Variants in EPB41 observed in about 807,000 individuals in gnomAD.
EPB41 encodes the protein protein 4.1.
A neutral mutation model predicts 108.0 loss-of-function variants in EPB41; 65 were observed. The ratio of observed to expected loss-of-function variants is 0.60; its 90% confidence interval spans 0.49 to 0.74. EPB41 has a LOEUF of 0.74. EPB41 is among the 30% of genes least tolerant of loss of function. EPB41 has a pLI of 0.00. For missense variants in EPB41, 875 were observed against 1,037.0 expected (o/e 0.84, Z 2.15); for synonymous variants, 336 against 358.9 (o/e 0.94, Z 0.72).
chr1:29,100,402 C>T (rs867864739), intron 17 of EPB41, among the ~76,000 whole-genome samples: 18 of 144,998 alleles, frequency 1.2e-4, no homozygotes, highest in Non-Finnish European at 1.8e-4. Flanking sequence ...GCGGAGGTTG[C>T]GGTTAGCCAA....
intron 4 of EPB41, among the ~76,000 whole-genome samples, chr1:29,000,378 G>T (rs1421420935): frequency 6.6e-6 from 1 of 152,198 alleles, no homozygotes; most frequent in Non-Finnish European, 1.5e-5. Flanking sequence ...GGGATTACAG[G>T]CGTGAGTCAC....
At chr1:29,003,617 A>G (rs958843594) in intron 4 of EPB41, among the ~76,000 whole-genome samples, 1 of 152,114 alleles carries the variant, frequency 6.6e-6, no homozygotes, top group African/African-American at 2.4e-5. Flanking sequence ...TGTATATGTA[A>G]CTTCTGTCAT....
intron 1 of EPB41, among the ~76,000 whole-genome samples, chr1:28,896,945 C>G (rs1291445327): frequency 6.6e-6 from 1 of 152,158 alleles, no homozygotes; most frequent in Non-Finnish European, 1.5e-5. Context: ...ATGGGGCCCA[C>G]TGGGGTCTCT....
chr1:28,978,134 C>T (rs1437041954), intron 1 of EPB41, among the ~76,000 whole-genome samples: 1 of 151,146 alleles, frequency 6.6e-6, no homozygotes, highest in African/African-American at 2.5e-5. Context: ...ATTCTTTTGC[C>T]TTTCTACCTC....
At chr1:29,057,373 CAAAAAAAA>C (rs72047998) in intron 12 of EPB41, among the ~76,000 whole-genome samples, 3 of 65,292 alleles carry the variant, frequency 4.6e-5, no homozygotes, top group Non-Finnish European at 8.7e-5. Flanking sequence ...GACTCTGTCT[CAAAAAAAA>C]AAAAAAAAAA....
At chr1:29,006,507 G>T (rs1009394681) in intron 4 of EPB41, among the ~76,000 whole-genome samples, 10 of 151,950 alleles carry the variant, frequency 6.6e-5, no homozygotes, top group African/African-American at 2.4e-4. Context: ...AGAGTGCTGG[G>T]ATTACAGGTG....
chr1:29,104,441 G>T (rs147132558), intron 17 of EPB41, among the ~76,000 whole-genome samples: 3 of 152,120 alleles, frequency 2.0e-5, no homozygotes, highest in African/African-American at 4.8e-5. Flanking sequence ...CACAGACAGG[G>T]TCTCGCACTG....
At chr1:28,905,623 G>A (rs2091748501) in intron 1 of EPB41, among the ~76,000 whole-genome samples, 1 of 152,014 alleles carries the variant, frequency 6.6e-6, no homozygotes, top group Non-Finnish European at 1.5e-5. Context: ...CCTGATCTCT[G>A]ACTCCAGCCT....
chr1:28,990,929 G>T (rs1052289956), intron 2 of EPB41, among the ~76,000 whole-genome samples: 1 of 152,028 alleles, frequency 6.6e-6, no homozygotes, highest in Non-Finnish European at 1.5e-5. Context: ...TAAATTGTCC[G>T]TAGGTTATTT....
At chr1:28,920,577 C>T (rs918867996) in intron 1 of EPB41, among the ~76,000 whole-genome samples, 1 of 152,208 alleles carries the variant, frequency 6.6e-6, no homozygotes, top group African/African-American at 2.4e-5. Context: ...AGAAAAGTTT[C>T]AAGTGAGAAA....
intron 1 of EPB41, among the ~76,000 whole-genome samples, chr1:28,935,341 A>C (rs1228971771): frequency 6.7e-6 from 1 of 150,124 alleles, no homozygotes; most frequent in Non-Finnish European, 1.5e-5. Context: ...AGTCTGAGGC[A>C]CAAGAATTGC....
At chr1:28,958,819 C>CAAA (rs35105287) in intron 1 of EPB41, among the ~76,000 whole-genome samples, 111 of 65,564 alleles carry the variant, frequency 1.7e-3, no homozygotes, top group East Asian at 2.8e-3. Flanking sequence ...ACCCTGTCTC[C>CAAA]AAAAAAAAAA....
At chr1:29,047,240 CTTTCTTTCTTTCCTT>C (rs1643490013) in intron 11 of EPB41, among the ~76,000 whole-genome samples, 1 of 125,496 alleles carries the variant, frequency 8.0e-6, no homozygotes, top group Non-Finnish European at 1.6e-5. Context: ...TTTCTTTTTT[CTTTCTTTCTTTCCTT>C]TTTTTTTTTT....
At chr1:29,075,257 C>A (rs1002790851) in intron 16 of EPB41, among the ~76,000 whole-genome samples, 2 of 151,256 alleles carry the variant, frequency 1.3e-5, no homozygotes, top group Non-Finnish European at 2.9e-5. Flanking sequence ...GTGGGCAGAT[C>A]TCCTGAGGTC....
chr1:29,089,156 G>A (rs192364831), intron 16 of EPB41, among the ~76,000 whole-genome samples: 2 of 152,246 alleles, frequency 1.3e-5, no homozygotes, highest in Middle Eastern at 3.4e-3. Context: ...ACATGCTCAA[G>A]TGATTAGCAC....
intron 1 of EPB41, among the ~76,000 whole-genome samples, chr1:28,894,124 C>G (rs917053599): frequency 9.2e-5 from 14 of 152,280 alleles, no homozygotes; most frequent in South Asian, 6.2e-4. Flanking sequence ...CTTTGCATCT[C>G]AGTTTCACGT....
At chr1:29,022,244 A>T (rs2096655177) in intron 7 of EPB41, among the ~76,000 whole-genome samples, 1 of 152,136 alleles carries the variant, frequency 6.6e-6, no homozygotes, top group African/African-American at 2.4e-5. Flanking sequence ...AAAATCATGC[A>T]CAGGTAAAAG....
At position 29,060,428 on chromosome 1, in the gene EPB41, A is replaced by C; in HGVS notation, c.1951A>C (p.Arg651=). The change falls in exon 15 of 21, where the codon AGA becomes CGA. Residue 651 remains arginine, a synonymous_variant. Coordinates refer to ENST00000343067, the MANE Select transcript of EPB41 (RefSeq NM_001376013.1). ...EDLIRMRKKK[R]ERLDGENIYI... ...CCCCCTTTCATTTTCACAGAAAAAG[A>C]GAGAAAGACTAGATGGTGAAAACAT... The C allele has an allele frequency of 1.9e-6, 3 of 1,612,404 alleles. No homozygotes were observed. The highest frequency in any genetic ancestry group is 2.5e-6 in the Non-Finnish European group (3 of 1,178,524).
chr1:29,081,895 A>G (rs1452901071), intron 16 of EPB41, among the ~76,000 whole-genome samples: 1 of 152,120 alleles, frequency 6.6e-6, no homozygotes, highest in African/African-American at 2.4e-5. Flanking sequence ...ACTAGCTCAA[A>G]GTATGTACCT....
Sources: allele counts gnomAD v4.1 joint callset (sites outside exome capture counted in the v4.1 genomes callset), GRCh38; gene constraint gnomAD v4.1.1; transcripts MANE v1.5; gene names NCBI Gene and HGNC (gene_info 2026-07-23, HGNC 2026-07-21).